The following IQCH variants were observed in gnomAD, a reference collection of about 807,000 sequenced individuals.
IQCH encodes the protein IQ domain-containing protein H.
A neutral mutation model predicts 117.0 loss-of-function variants in IQCH; 98 were observed. The ratio of observed to expected loss-of-function variants is 0.84; its 90% CI spans 0.71 to 0.99. The LOEUF is 0.99. Among genes scored for constraint, IQCH ranks in the 50% least tolerant of loss-of-function variants. IQCH has a pLI of 0.00. For synonymous variants in IQCH, 412 were observed against 448.2 expected, an observed-to-expected ratio of 0.92 and a Z score of 1.02; for missense variants, 1,102 against 1,243.8, an observed-to-expected ratio of 0.89 and a Z score of 1.72.
At position 67,365,254 on chromosome 15, in the gene IQCH, T is replaced by A. The variant is rs531085212; in HGVS notation, c.753+5369T>A. 6.6e-6 allele frequency among the ~76,000 whole-genome samples: 1 copy of A among 152,342 alleles called. No individual in the cohort carries two copies. The highest frequency in any genetic ancestry group is 2.1e-4 in the South Asian group (1 of 4,830). On this transcript the variant is annotated intron_variant, in intron 8 of 20. Transcript: ENST00000335894. This position sits in a 1 kb window ranked among gnomAD's most constrained non-coding sequence, Gnocchi z 4.4. The stretch of plus-strand genomic sequence containing the variant: ...AGCCACCACACCTAGCCTGTGGAAC[T>A]TCTTGATCAAAGGGTATGGACATTT...
At position 67,348,377 on chromosome 15, in the gene IQCH, A is replaced by ACG. The variant is rs542707789; in HGVS notation, c.637+4187_637+4188insGC. On this transcript the variant is annotated intron_variant, in intron 6 of 20. Transcript: ENST00000335894. ...CCATCACACACACACACACACACAC[A>ACG]CACGCACACACAAAAGCTACTAGAA... Among the ~76,000 whole-genome samples the ACG allele has an allele frequency of 2.3e-4, 35 of 151,872 alleles. No individual in the cohort carries two copies. In the East Asian group the frequency reaches 6.2e-3, roughly 27 times the overall value.
chr15:67,274,096 C>T (rs1212614626), intron 3 of IQCH, among the ~76,000 whole-genome samples: 1 of 152,172 alleles, frequency 6.6e-6, no homozygotes, highest in Non-Finnish European at 1.5e-5. Flanking sequence ...TCAGGATCTT[C>T]TCTTTGTCCT....
chr15:67,293,047 A>G (rs946579085), intron 4 of IQCH, among the ~76,000 whole-genome samples: 1 of 152,216 alleles, frequency 6.6e-6, no homozygotes, highest in Non-Finnish European at 1.5e-5. Context: ...TCCTGGCTCT[A>G]TCACTTACTA....
At chr15:67,339,069 C>G (rs1161426120) in intron 5 of IQCH, among the ~76,000 whole-genome samples, 1 of 152,096 alleles carries the variant, frequency 6.6e-6, no homozygotes, top group African/African-American at 2.4e-5. Flanking sequence ...ATCTTCTTTA[C>G]CAGTTGAGGC....
intron 18 of IQCH, among the ~76,000 whole-genome samples, chr15:67,483,809 C>A (rs754620265): frequency 3.3e-5 from 5 of 152,076 alleles, no homozygotes; most frequent in Admixed American, 3.3e-4. Context: ...GTGTGGATGC[C>A]GTTTAAATCC....
At chr15:67,265,968 A>G (rs149155998) in intron 3 of IQCH, among the ~76,000 whole-genome samples, 36 of 152,274 alleles carry the variant, frequency 2.4e-4, no homozygotes, top group African/African-American at 8.7e-4. Flanking sequence ...CAATGGCACA[A>G]CTCACTGAAG....
Position 67,261,382 on chromosome 15 carries a change from A to T in IQCH, c.162A>T (p.Glu54Asp). 6.3e-7 allele frequency: 1 copy of T among 1,589,452 alleles called. No individual in the cohort carries two copies. Among genetic ancestry groups the T allele is most frequent in the Non-Finnish European group, 8.5e-7 (1 of 1,173,142 alleles). ...TTGAAACAGCAATCAAAAGGACTGAAGTGGGGTTAAGAGTAAGTAGAGCTT... is the reference window on the plus strand; with the variant it reads ...TTGAAACAGCAATCAAAAGGACTGATGTGGGGTTAAGAGTAAGTAGAGCTT... Reference protein sequence around the residue: ...QSLETAIKRTEVGLRIHIEKY... With the variant: ...QSLETAIKRTDVGLRIHIEKY... The change falls in exon 2 of 21, where the codon GAA (glutamate) becomes GAT (aspartate). Residue 54 changes from glutamate (E) to aspartate (D), a missense_variant. Physicochemically the swap from Glu to Asp is conservative, Grantham distance 45. Coordinates refer to ENST00000335894, the MANE Select transcript of IQCH (RefSeq NM_001031715.3).
intron 13 of IQCH, among the ~76,000 whole-genome samples, chr15:67,399,859 AATG>A (rs1971586301): frequency 6.6e-6 from 1 of 152,210 alleles, no homozygotes; most frequent in Non-Finnish European, 1.5e-5. Flanking sequence ...AAGCCAGCAA[AATG>A]ATAATTTCAG....
Position 67,395,594 on chromosome 15 carries a change from C to A in IQCH, c.1905+31C>A. ...TGGGGTGGACAAGTGAAGCTCTGTT[C>A]AAATATTTGAAACATCCTCTTGATC... On this transcript the variant is annotated intron_variant, in intron 13 of 20. Coordinates refer to ENST00000335894, the MANE Select transcript of IQCH (RefSeq NM_001031715.3). This position sits in a 1 kb window ranked among gnomAD's most constrained non-coding sequence, Gnocchi z 4.0. 6.3e-7 allele frequency: 1 copy of A among 1,597,688 alleles called. No individual in the cohort carries two copies. The highest frequency in any genetic ancestry group is 1.1e-5 in the South Asian group (1 of 89,464).
chr15:67,401,871 T>C lies in IQCH; in HGVS notation c.2097+1566T>C, dbSNP rs1971673995. On this transcript the variant is annotated intron_variant, in intron 14 of 20. Coordinates refer to ENST00000335894, the MANE Select transcript of IQCH (RefSeq NM_001031715.3). This position sits in a 1 kb window ranked among gnomAD's most constrained non-coding sequence, Gnocchi z 4.7. Reference sequence around the variant, plus strand: ...TCTCTTTGAACTGGATTTTATTTCGTATTGTATAGATTTTTTTTAAAGCAA... The same window carrying C: ...TCTCTTTGAACTGGATTTTATTTCGCATTGTATAGATTTTTTTTAAAGCAA... Among the ~76,000 whole-genome samples the C allele has an allele frequency of 6.6e-6, 1 of 152,230 alleles. No individual in the cohort carries two copies. Among genetic ancestry groups the C allele is most frequent in the Admixed American group, 6.5e-5 (1 of 15,278 alleles).
chr15:67,272,944 A>G (rs1227777474), intron 3 of IQCH, among the ~76,000 whole-genome samples: 1 of 151,902 alleles, frequency 6.6e-6, no homozygotes, highest in Non-Finnish European at 1.5e-5. Context: ...AAGACTTACC[A>G]TTTTTATTGC....
chr15:67,450,348 T>C (rs2082492823), intron 16 of IQCH, among the ~76,000 whole-genome samples: 1 of 152,236 alleles, frequency 6.6e-6, no homozygotes, highest in African/African-American at 2.4e-5. Flanking sequence ...AGTATGATAT[T>C]GGCTGTGGGT....
chr15:67,382,686 C>T (rs1970974122), intron 10 of IQCH, among the ~76,000 whole-genome samples: 1 of 152,274 alleles, frequency 6.6e-6, no homozygotes, highest in African/African-American at 2.4e-5. Context: ...GTTTATGTGA[C>T]CTTGGACAAG....
chr15:67,477,044 C>CTTTTTTTTTTTTTTT (rs71455553), intron 18 of IQCH, among the ~76,000 whole-genome samples: 69 of 71,120 alleles, frequency 9.7e-4, no homozygotes, highest in Admixed American at 1.2e-3. Context: ...TCTTTTTCTT[C>CTTTTTTTTTTTTTTT]TTTTTTTTTT....
At chr15:67,336,942 A>G in intron 4 of IQCH, 33 bp from the exon 5 acceptor site, 1 of 1,610,144 alleles carries the variant, frequency 6.2e-7, no homozygotes, top group African/African-American at 1.3e-5. Context: ...TGAAGGCAAA[A>G]ATGTTTGCTG....
At chr15:67,462,035 G>T (rs1172701439) in intron 16 of IQCH, among the ~76,000 whole-genome samples, 1 of 151,632 alleles carries the variant, frequency 6.6e-6, no homozygotes, top group Non-Finnish European at 1.5e-5. Context: ...TCGTTATGTT[G>T]CCCAGGATCG....
intron 16 of IQCH, among the ~76,000 whole-genome samples, 170 bp downstream of exon 16, chr15:67,421,747 G>C (rs1047494920): frequency 7.9e-5 from 12 of 152,194 alleles, no homozygotes; most frequent in African/African-American, 2.9e-4. Context: ...AGTGGGACCA[G>C]GCTTTATGTC....
Position 67,453,054 on chromosome 15 carries a change from G to A in IQCH, c.2506-12073G>A, listed in dbSNP as rs964969043. Reference sequence around the variant, plus strand: ...CTTCTGCATTCGTCACGTAGCTCTCGTGCCTTGGTTTTCAGCTCCATCAGG... The same window carrying A: ...CTTCTGCATTCGTCACGTAGCTCTCATGCCTTGGTTTTCAGCTCCATCAGG... On this transcript the variant is annotated intron_variant, in intron 16 of 20. Coordinates refer to ENST00000335894, the MANE Select transcript of IQCH (RefSeq NM_001031715.3). This position sits in a 1 kb window ranked among gnomAD's most constrained non-coding sequence, Gnocchi z 5.8. 9.9e-5 allele frequency among the ~76,000 whole-genome samples: 15 copies of A among 152,030 alleles called. No individual in the cohort carries two copies. Among genetic ancestry groups the A allele is most frequent in the Non-Finnish European group, 2.9e-5 (2 of 68,006 alleles).
intron 4 of IQCH, among the ~76,000 whole-genome samples, chr15:67,285,597 AG>A (rs1177658153): frequency 1.3e-5 from 2 of 152,256 alleles, no homozygotes; most frequent in Non-Finnish European, 2.9e-5. Context: ...TTTACATTTA[AG>A]TCTTTAATCC....
Sources: allele counts gnomAD v4.1 joint callset (sites outside exome capture counted in the v4.1 genomes callset), GRCh38; gene constraint gnomAD v4.1.1; non-coding constraint Gnocchi (gnomAD v3.1); transcripts MANE v1.5; gene names NCBI Gene and HGNC (gene_info 2026-07-23, HGNC 2026-07-21).